ABI1: variants seen among roughly 807,000 people sequenced by gnomAD.
ABI1 encodes the protein abl interactor 1.
Under a neutral mutation model 54.6 loss-of-function variants are expected in ABI1, and 14 were observed. That is an observed-to-expected ratio of 0.26 (90% CI 0.17 to 0.40). The LOEUF is 0.40. Ranked by LOEUF, ABI1 falls within the 10% of genes least tolerant of loss-of-function variation. The pLI is 1.00. For synonymous variants in ABI1, 194 were observed against 209.3 expected (o/e 0.93, Z 0.63); for missense variants, 443 against 598.3 (o/e 0.74, Z 2.71).
At chr10:26,835,983 A>C (rs2049044065) in intron 1 of ABI1, among the ~76,000 whole-genome samples, 1 of 151,436 alleles carries the variant, frequency 6.6e-6, no homozygotes, top group Admixed American at 6.6e-5. Context: ...GAACTCCTGA[A>C]CTCAAAGAAT....
At chr10:26,808,144 T>C (rs2046992651) in intron 2 of ABI1, among the ~76,000 whole-genome samples, 1 of 152,190 alleles carries the variant, frequency 6.6e-6, no homozygotes, top group South Asian at 2.1e-4. Flanking sequence ...TAAAAGTGTA[T>C]AATAACAATC....
intron 1 of ABI1, among the ~76,000 whole-genome samples, chr10:26,834,177 C>T (rs1393505192): frequency 1.3e-5 from 2 of 152,104 alleles, no homozygotes; most frequent in Admixed American, 6.5e-5. Context: ...TTGCAGTGAG[C>T]TGAGACCACG....
chr10:26,820,273 T>C (rs2047885338), intron 2 of ABI1, among the ~76,000 whole-genome samples: 1 of 152,202 alleles, frequency 6.6e-6, no homozygotes, highest in Non-Finnish European at 1.5e-5. Context: ...TGTATATGTA[T>C]ATCAAAACAT....
Position 26,818,942 on chromosome 10 carries a change from G to A in ABI1, c.285+4196C>T, listed in dbSNP as rs150057265. 3.8e-3 allele frequency among the ~76,000 whole-genome samples: 577 copies of A among 152,158 alleles called. 5 individuals are homozygous for A. The highest frequency in any genetic ancestry group is 0.03 in the East Asian group (154 of 5,168). ...TGGGAGGCAGAGGTTGCAGTGAGCC[G>A]AGATCGCACCACTGTACTCCAGCCT... On this transcript the variant is annotated intron_variant, in intron 2 of 10. Transcript: ENST00000376140.
At chr10:26,812,897 G>A (rs1040948768) in intron 2 of ABI1, among the ~76,000 whole-genome samples, 5 of 151,986 alleles carry the variant, frequency 3.3e-5, no homozygotes, top group East Asian at 1.9e-4. Context: ...ATTTGTTGGC[G>A]GGGGGACACA....
chr10:26,799,189 C>T (rs2046384260), intron 2 of ABI1, among the ~76,000 whole-genome samples: 1 of 151,870 alleles, frequency 6.6e-6, no homozygotes, highest in Non-Finnish European at 1.5e-5. Flanking sequence ...TCTCCCAAAG[C>T]TCTGTCATCC....
intron 1 of ABI1, among the ~76,000 whole-genome samples, chr10:26,848,595 TAAG>T (rs2050163244): frequency 7.1e-6 from 1 of 141,466 alleles, no homozygotes; most frequent in African/African-American, 2.7e-5. Flanking sequence ...GTATGCAATA[TAAG>T]AAGAGGCTTT....
intron 1 of ABI1, among the ~76,000 whole-genome samples, chr10:26,843,485 AATATATATATATATAT>A (rs779960397): frequency 1.8e-4 from 6 of 34,160 alleles, no homozygotes; most frequent in Non-Finnish European, 2.5e-4. Flanking sequence ...AAAAAAAAAA[AATATATATATATATAT>A]ATATATATAT....
chr10:26,797,281 A>G (rs768486097), intron 2 of ABI1, among the ~76,000 whole-genome samples: 76 of 152,318 alleles, frequency 5.0e-4, no homozygotes, highest in Non-Finnish European at 4.9e-4. Context: ...TTGTGTATCA[A>G]TTTCTTCATC....
intron 1 of ABI1, among the ~76,000 whole-genome samples, chr10:26,857,870 G>GA (rs1295345409): frequency 6.9e-6 from 1 of 144,256 alleles, no homozygotes; most frequent in Non-Finnish European, 1.5e-5. Context: ...AAAAAAGAAA[G>GA]AAAAAAACTG....
In ABI1 at chr10:26,827,630, TC is replaced by T. The variant is rs2048392482; in HGVS notation, c.118-4326del. ...TTTTTTGAGATGGAGTCTTGCTCTG[TC>T]ACTCAGGCTGGAGTGCAATGGAGTG... On this transcript the variant is annotated intron_variant, in intron 1 of 10. Transcript: ENST00000376140. Among the ~76,000 whole-genome samples the T allele has an allele frequency of 4.7e-5, 7 of 149,970 alleles. No individual in the cohort carries two copies. In the South Asian group the frequency reaches 1.5e-3, roughly 31 times the overall value.
At chr10:26,809,568 A>C (rs762663310) in intron 2 of ABI1, among the ~76,000 whole-genome samples, 2 of 152,164 alleles carry the variant, frequency 1.3e-5, no homozygotes, top group Non-Finnish European at 2.9e-5. Context: ...CAAATAAATA[A>C]ATAAATAAAA....
chr10:26,826,148 A>C (rs1281392172), intron 1 of ABI1, among the ~76,000 whole-genome samples: 1 of 152,236 alleles, frequency 6.6e-6, no homozygotes, highest in Non-Finnish European at 1.5e-5. Flanking sequence ...TATCTAAGGC[A>C]GCTATAGCCT....
rs199833168 is a variant in ABI1, at chr10:26,827,225, C to CT, written c.118-3921dup. Among the ~76,000 whole-genome samples the CT allele has an allele frequency of 3.6e-3, 531 of 146,972 alleles. 2 individuals are homozygous for CT. The highest frequency in any genetic ancestry group is 5.6e-3 in the Non-Finnish European group (372 of 66,230). On this transcript the variant is annotated intron_variant, in intron 1 of 10. Coordinates refer to ENST00000376140, the MANE Select transcript of ABI1 (RefSeq NM_001012750.3). ...ACCGTGCCCGGCCTGGTTTGACCTT[C>CT]TTTTTTTTTATCTCGAGACAGAGTC...
chr10:26,833,017 CA>C (rs1589019590), intron 1 of ABI1, among the ~76,000 whole-genome samples: 1 of 151,850 alleles, frequency 6.6e-6, no homozygotes, highest in Non-Finnish European at 1.5e-5. Flanking sequence ...AAGTATCCAG[CA>C]AAAAAAATAA....
intron 7 of ABI1, among the ~76,000 whole-genome samples, chr10:26,764,741 C>T (rs1415669810): frequency 6.6e-6 from 1 of 152,088 alleles, no homozygotes; most frequent in Non-Finnish European, 1.5e-5. Flanking sequence ...TCACTATTCC[C>T]TAAACAATAC....
chr10:26,753,391 T>G (rs957737302), intron 9 of ABI1, among the ~76,000 whole-genome samples: 2 of 152,254 alleles, frequency 1.3e-5, no homozygotes, highest in East Asian at 3.8e-4. Context: ...TTTGGCTTAA[T>G]GTGTAAATTA....
At chr10:26,764,024 G>T in intron 7 of ABI1, 1 of 1,268,624 alleles carries the variant, frequency 7.9e-7, no homozygotes, top group Non-Finnish European at 1.1e-6. Flanking sequence ...TTTTGAAACA[G>T]CAAGAAAGTA....
chr10:26,785,259 G>C (rs1388282456), intron 2 of ABI1, among the ~76,000 whole-genome samples: 1 of 152,210 alleles, frequency 6.6e-6, no homozygotes, highest in East Asian at 1.9e-4. Context: ...AATTATACTT[G>C]AGTCTTTCAT....
Sources: allele counts gnomAD v4.1 joint callset (sites outside exome capture counted in the v4.1 genomes callset), GRCh38; gene constraint gnomAD v4.1.1; transcripts MANE v1.5; gene names NCBI Gene and HGNC (gene_info 2026-07-23, HGNC 2026-07-21).